Variants in PPP1R1C observed in about 807,000 individuals in gnomAD.
PPP1R1C encodes the protein protein phosphatase 1 regulatory inhibitor subunit 1C, also known as protein phosphatase 1 regulatory subunit 1C.
Under a neutral mutation model 17.4 loss-of-function variants are expected in PPP1R1C, and 15 were observed. The ratio of observed to expected loss-of-function variants is 0.86; its 90% confidence interval spans 0.58 to 1.33. The LOEUF (loss-of-function observed/expected upper bound fraction) is 1.33, where lower values mean the gene tolerates loss of function less well. Among genes scored for constraint, PPP1R1C ranks in the 40% most tolerant of loss-of-function variants. The pLI, the probability that PPP1R1C is intolerant of heterozygous loss-of-function variation, is 0.00. For synonymous variants in PPP1R1C, 35 were observed against 43.1 expected, an observed-to-expected ratio of 0.81 and a Z score of 0.73; for missense variants, 143 against 130.0, an observed-to-expected ratio of 1.10 and a Z score of -0.48.
intron 4 of PPP1R1C, among the ~76,000 whole-genome samples, chr2:182,090,225 A>G (rs1413042132): frequency 6.6e-6 from 1 of 151,718 alleles, no homozygotes; most frequent in Non-Finnish European, 1.5e-5. Flanking sequence ...CTAAAGCCAA[A>G]ATTCATTTTA....
intron 4 of PPP1R1C, among the ~76,000 whole-genome samples, chr2:182,100,502 C>A (rs1355278198): frequency 6.7e-6 from 1 of 149,402 alleles, no homozygotes; most frequent in Non-Finnish European, 1.5e-5. Context: ...GAGCGAGATT[C>A]CATCTCGGAA....
chr2:182,062,233 C>T (rs918413485), intron 3 of PPP1R1C, among the ~76,000 whole-genome samples: 1 of 152,022 alleles, frequency 6.6e-6, no homozygotes, highest in Non-Finnish European at 1.5e-5. Flanking sequence ...TAGTATATCA[C>T]AAGACTTTTC....
At chr2:181,970,135 G>GTT (rs57341368) in intron 1 of PPP1R1C, among the ~76,000 whole-genome samples, 2 of 143,304 alleles carry the variant, frequency 1.4e-5, no homozygotes, top group Non-Finnish European at 3.1e-5. Flanking sequence ...GCCTTATTTA[G>GTT]TTTTTTTTTT....
intron 1 of PPP1R1C, among the ~76,000 whole-genome samples, chr2:181,958,636 T>A (rs1431481447): frequency 6.6e-6 from 1 of 152,230 alleles, no homozygotes; most frequent in Non-Finnish European, 1.5e-5. Flanking sequence ...GTCTTTCTTG[T>A]ACTCACTTCC....
intron 2 of PPP1R1C, among the ~76,000 whole-genome samples, chr2:182,051,996 C>T (rs974626481): frequency 2.0e-5 from 3 of 149,372 alleles, no homozygotes; most frequent in South Asian, 4.2e-4. Flanking sequence ...CAGTGAGACT[C>T]TGTCTCAAAA....
chr2:181,956,767 T>C (rs1186815260), intron 1 of PPP1R1C, among the ~76,000 whole-genome samples: 2 of 152,224 alleles, frequency 1.3e-5, no homozygotes, highest in Non-Finnish European at 2.9e-5. Context: ...TCACTCCAAT[T>C]AAGTCAGTCA....
intron 1 of PPP1R1C, among the ~76,000 whole-genome samples, chr2:181,987,509 G>C (rs1400468031): frequency 6.6e-6 from 1 of 152,068 alleles, no homozygotes; most frequent in Non-Finnish European, 1.5e-5. Flanking sequence ...ATGTTATGAG[G>C]CTCCAAGCAA....
At chr2:181,960,414 T>C (rs1158235619) in intron 1 of PPP1R1C, among the ~76,000 whole-genome samples, 1 of 152,222 alleles carries the variant, frequency 6.6e-6, no homozygotes, top group African/African-American at 2.4e-5. Context: ...ATTTCCAGTA[T>C]CAAATTCATA....
At chr2:181,974,975 A>C (rs1001214835) in intron 1 of PPP1R1C, among the ~76,000 whole-genome samples, 1 of 152,204 alleles carries the variant, frequency 6.6e-6, no homozygotes, top group Admixed American at 6.5e-5. Context: ...TGATACCTGC[A>C]AAATAAATGA....
intron 1 of PPP1R1C, among the ~76,000 whole-genome samples, chr2:181,969,083 A>T (rs1684957599): frequency 1.3e-5 from 2 of 152,024 alleles, no homozygotes; most frequent in South Asian, 4.1e-4. Context: ...TGTTGTAGTT[A>T]TTATTTTTGA....
intron 2 of PPP1R1C, among the ~76,000 whole-genome samples, chr2:182,050,572 C>T (rs1409159857): frequency 6.6e-6 from 1 of 152,122 alleles, no homozygotes; most frequent in Non-Finnish European, 1.5e-5. Context: ...GCTCAGATGC[C>T]AGCCTTACCT....
chr2:182,076,486 T>C (rs1688315827), intron 4 of PPP1R1C, among the ~76,000 whole-genome samples: 1 of 152,046 alleles, frequency 6.6e-6, no homozygotes, highest in African/African-American at 2.4e-5. Flanking sequence ...TTTGATGTTA[T>C]TGAAGAAATA....
rs963304626 is a variant in PPP1R1C at position 181,957,120 on chromosome 2, G to A, written n.111+2486G>A. On this transcript the variant is annotated intron_variant and non_coding_transcript_variant, in intron 1 of 5. Transcript: ENST00000464264. This position sits in a 1 kb window ranked among gnomAD's most constrained non-coding sequence, Gnocchi z 4.2. ...CACGCCTGTAATCTCACCACTTTGG[G>A]AGGCTGAGGTGGGCGGATTATCTGA... Among the ~76,000 whole-genome samples, 7 of 152,288 alleles carry A rather than the reference G, an allele frequency of 4.6e-5. No individual in the cohort carries two copies. The highest frequency in any genetic ancestry group is 1.7e-4 in the African/African-American group (7 of 41,562).
intron 2 of PPP1R1C, among the ~76,000 whole-genome samples, chr2:182,030,188 C>T (rs1356458329): frequency 1.3e-5 from 2 of 151,864 alleles, no homozygotes; most frequent in East Asian, 1.9e-4. Context: ...GTAATTTGAT[C>T]GTCTGAAGCC....
At chr2:182,012,942 C>A (rs1686136211) in intron 2 of PPP1R1C, among the ~76,000 whole-genome samples, 1 of 152,088 alleles carries the variant, frequency 6.6e-6, no homozygotes, top group East Asian at 1.9e-4. Context: ...CGCTTTTTAA[C>A]TTTTTATTGT....
rs1347873787 is a variant in PPP1R1C, at chr2:181,967,190, CG to C, written n.112-8028del. ...GATTTTATTTATTTGAGTCTTCTCT[CG>C]TTTTTTGTTAGTAAGTCTGGCTAAA... On this transcript the variant is annotated intron_variant and non_coding_transcript_variant, in intron 1 of 5. Transcript: ENST00000464264. The surrounding 1 kb of genome is among the most constrained non-coding windows in gnomAD (Gnocchi z 5.5). Among the ~76,000 whole-genome samples the C allele has an allele frequency of 1.3e-5, 2 of 151,988 alleles. No individual in the cohort carries two copies. Among genetic ancestry groups the C allele is most frequent in the Non-Finnish European group, 2.9e-5 (2 of 67,986 alleles).
chr2:182,081,913 C>A (rs138528836), intron 4 of PPP1R1C, among the ~76,000 whole-genome samples: 1 of 152,114 alleles, frequency 6.6e-6, no homozygotes. Flanking sequence ...GGGAGAAAAG[C>A]TTCATGTGCA....
chr2:181,963,506 G>C (rs935759539), intron 1 of PPP1R1C, among the ~76,000 whole-genome samples: 1 of 152,130 alleles, frequency 6.6e-6, no homozygotes, highest in African/African-American at 2.4e-5. Context: ...GGGCATGGTG[G>C]TGCGTTCCTG....
chr2:182,051,263 G>T (rs528684626), intron 2 of PPP1R1C, among the ~76,000 whole-genome samples: 2 of 152,296 alleles, frequency 1.3e-5, no homozygotes, highest in Admixed American at 6.5e-5. Flanking sequence ...AAACTTAAAT[G>T]CTGACCAGTG....
Sources: gnomAD v4.1 joint callset for allele counts (sites outside exome capture counted in the v4.1 genomes callset) on GRCh38, gnomAD v4.1.1 for gene constraint, Gnocchi (gnomAD v3.1) non-coding constraint, MANE v1.5 for transcripts, NCBI Gene and HGNC (gene_info 2026-07-23, HGNC 2026-07-21) for gene names.